Variants in BCAS1 observed in about 807,000 individuals in gnomAD.
BCAS1 encodes brain enriched myelin associated protein 1.
Under a neutral mutation model 65.4 loss-of-function variants are expected in BCAS1, and 46 were observed. The ratio of observed to expected loss-of-function variants is 0.70; its 90% CI spans 0.55 to 0.90. The LOEUF is 0.90. BCAS1 is among the 40% of genes least tolerant of loss of function. The probability of loss-of-function intolerance (pLI) is 0.00; values close to 1 mark genes in which losing one functional copy is unlikely to be tolerated. For synonymous variants in BCAS1, 298 were observed against 293.5 expected (o/e 1.02, Z -0.16); for missense variants, 793 against 771.2 (o/e 1.03, Z -0.33).
chr20:54,059,302 T>G (rs892582581), intron 1 of BCAS1, among the ~76,000 whole-genome samples: 3 of 152,258 alleles, frequency 2.0e-5, no homozygotes, highest in Non-Finnish European at 2.9e-5. Flanking sequence ...TAATTTTCAG[T>G]TGCATTTCAT....
chr20:53,997,946 C>T (rs1324215179), intron 4 of BCAS1, among the ~76,000 whole-genome samples: 1 of 152,148 alleles, frequency 6.6e-6, no homozygotes, highest in African/African-American at 2.4e-5. Context: ...GCTGTGGGTT[C>T]CGCCTTCTCC....
At chr20:54,022,799 C>A (rs935395011) in intron 4 of BCAS1, among the ~76,000 whole-genome samples, 13 of 152,180 alleles carry the variant, frequency 8.5e-5, no homozygotes, top group African/African-American at 3.1e-4. Flanking sequence ...TGTCATTTAA[C>A]TCAACCACAC....
rs538704886 is a variant in BCAS1, at chr20:54,043,818, C to T, written c.142+14267G>A. Among the ~76,000 whole-genome samples, 9 of 152,278 alleles carry T rather than the reference C, an allele frequency of 5.9e-5. 1 individual carries two copies. The South Asian group carries it at 1.9e-3, about 32-fold the overall frequency. On this transcript the variant is annotated intron_variant, in intron 3 of 12. Transcript: ENST00000688948. ...TGCTGCTGGCCCAGGGACAACTCTG[C>T]GAGTCACTGCTATTGGGCACTGCTA...
chr20:54,013,411 T>A (rs1293580071), intron 4 of BCAS1, among the ~76,000 whole-genome samples: 1 of 152,080 alleles, frequency 6.6e-6, no homozygotes, highest in Non-Finnish European at 1.5e-5. Context: ...GATTGAAAAG[T>A]AAAAAAATCC....
intron 9 of BCAS1, among the ~76,000 whole-genome samples, chr20:53,974,850 T>A (rs2090282643): frequency 6.6e-6 from 1 of 152,166 alleles, no homozygotes; most frequent in Admixed American, 6.5e-5. Flanking sequence ...TCTAGAAGAT[T>A]AAAAGCCAGG....
intron 3 of BCAS1, among the ~76,000 whole-genome samples, chr20:54,030,131 C>T (rs925834286): frequency 1.3e-5 from 2 of 152,280 alleles, no homozygotes; most frequent in African/African-American, 4.8e-5. Context: ...TCTACCTTGA[C>T]CTAAATTAAC....
chr20:53,998,607 T>A (rs921700115), intron 4 of BCAS1, among the ~76,000 whole-genome samples: 3 of 152,234 alleles, frequency 2.0e-5, no homozygotes, highest in African/African-American at 7.2e-5. Context: ...TCCACCCCTG[T>A]GATCTTTCAC....
intron 11 of BCAS1, among the ~76,000 whole-genome samples, chr20:53,955,132 G>A (rs549666592): frequency 6.6e-6 from 1 of 152,292 alleles, no homozygotes; most frequent in Non-Finnish European, 1.5e-5. Flanking sequence ...GGCATCAACT[G>A]TAGGAGAACT....
intron 12 of BCAS1, among the ~76,000 whole-genome samples, chr20:53,950,069 G>C (rs545088075): frequency 6.6e-6 from 1 of 152,226 alleles, no homozygotes; most frequent in African/African-American, 2.4e-5. Flanking sequence ...TTATCAACAG[G>C]GGCCAAGACT....
intron 1 of BCAS1, 122 bp from the exon 2 acceptor site, chr20:54,058,845 G>T: frequency 9.2e-7 from 1 of 1,088,852 alleles, no homozygotes; most frequent in South Asian, 1.5e-5. Context: ...GCTGAGATCA[G>T]AACAAATTGC....
chr20:54,046,305 G>A (rs1337894962), intron 3 of BCAS1, among the ~76,000 whole-genome samples: 6 of 151,288 alleles, frequency 4.0e-5, no homozygotes, highest in Non-Finnish European at 5.9e-5. Flanking sequence ...CAAGGTGGGT[G>A]GATCACGAGG....
chr20:53,987,557 C>T (rs1192461949), intron 7 of BCAS1, among the ~76,000 whole-genome samples: 1 of 152,154 alleles, frequency 6.6e-6, no homozygotes, highest in Non-Finnish European at 1.5e-5. Context: ...TTCAATAATT[C>T]ATTTAAAATC....
chr20:54,008,282 C>T (rs1037988000), intron 4 of BCAS1, among the ~76,000 whole-genome samples: 7 of 152,200 alleles, frequency 4.6e-5, no homozygotes, highest in Non-Finnish European at 1.0e-4. Flanking sequence ...TCATCCTCAC[C>T]GGTTGGTAAT....
At chr20:54,015,548 AC>A (rs1275221058) in intron 4 of BCAS1, among the ~76,000 whole-genome samples, 1 of 152,180 alleles carries the variant, frequency 6.6e-6, no homozygotes, top group African/African-American at 2.4e-5. Context: ...CACAGACAGC[AC>A]AACCATAGGA....
At chr20:54,027,241 T>C (rs994170007) in intron 4 of BCAS1, among the ~76,000 whole-genome samples, 1 of 152,208 alleles carries the variant, frequency 6.6e-6, no homozygotes, top group Non-Finnish European at 1.5e-5. Flanking sequence ...TATTATCTTT[T>C]CCCAATTTTA....
chr20:53,969,128 T>A (rs1354114441), intron 9 of BCAS1, among the ~76,000 whole-genome samples: 2 of 151,936 alleles, frequency 1.3e-5, no homozygotes, highest in African/African-American at 4.8e-5. Flanking sequence ...CACATCTATA[T>A]CCCTCATCTA....
chr20:54,006,889 C>T (rs1297124777), intron 4 of BCAS1, among the ~76,000 whole-genome samples: 2 of 152,078 alleles, frequency 1.3e-5, no homozygotes, highest in Admixed American at 6.5e-5. Flanking sequence ...CTGAAATTCT[C>T]ACAAGGGAAA....
At position 54,028,992 on chromosome 20, in the gene BCAS1, C is replaced by A; in HGVS notation, c.143-20G>T. ...AGTCGACTGTAAACACAAACATAAA[C>A]AGTGGTTATTCAGCCAAGCCGGGAA... On this transcript the variant is annotated intron_variant, in intron 3 of 12. Transcript: ENST00000688948. 6.3e-7 allele frequency: 1 copy of A among 1,586,422 alleles called. No individual in the cohort carries two copies. The highest frequency in any genetic ancestry group is 8.6e-7 in the Non-Finnish European group (1 of 1,168,306).
intron 1 of BCAS1, among the ~76,000 whole-genome samples, chr20:54,065,421 C>T (rs539588360): frequency 5.6e-4 from 85 of 152,328 alleles, no homozygotes; most frequent in South Asian, 1.2e-3. Context: ...CCCGAAGGGG[C>T]ATTTGGAAAT....
Sources: gnomAD v4.1 joint callset for allele counts (sites outside exome capture counted in the v4.1 genomes callset) on GRCh38, gnomAD v4.1.1 for gene constraint, MANE v1.5 for transcripts, NCBI Gene and HGNC (gene_info 2026-07-23, HGNC 2026-07-21) for gene names.